Variants in ARHGEF3 observed in about 807,000 individuals in gnomAD.
The protein encoded by ARHGEF3 is 59.8 kDA protein.
ARHGEF3 carries 28 observed loss-of-function variants against 63.2 expected under a neutral mutation model. That is an observed-to-expected ratio of 0.44 (90% CI 0.33 to 0.61). The LOEUF is 0.61. ARHGEF3 is among the 20% of genes least tolerant of loss of function. ARHGEF3 has a pLI of 0.03. For missense variants in ARHGEF3, 533 were observed against 659.3 expected (o/e 0.81, Z 2.10); for synonymous variants, 266 against 254.2 (o/e 1.05, Z -0.44).
At chr3:56,826,218 G>T (rs2038709025) in intron 4 of ARHGEF3, among the ~76,000 whole-genome samples, 2 of 152,198 alleles carry the variant, frequency 1.3e-5, no homozygotes, top group African/African-American at 2.4e-5. Context: ...ATCCAGCCAT[G>T]CCTGAAGGTT....
chr3:56,780,255 G>C (rs1431352686), intron 1 of ARHGEF3, among the ~76,000 whole-genome samples: 1 of 152,156 alleles, frequency 6.6e-6, no homozygotes, highest in East Asian at 1.9e-4. Context: ...GTATGTTTTT[G>C]CTAAAGATTA....
Position 56,737,229 on chromosome 3 carries a change from G to A in ARHGEF3, c.997C>T (p.Arg333Ter). 4 of 1,614,058 alleles carry A rather than the reference G, an allele frequency of 2.5e-6. No individual in the cohort carries two copies. The highest frequency in any genetic ancestry group is 2.5e-6 in the Non-Finnish European group (3 of 1,179,988). Residue 333 changes from arginine (R) to a stop codon, truncating the protein, a stop_gained, in exon 8 of 10, where the codon CGA becomes TGA. Coordinates refer to ENST00000296315, the MANE Select transcript of ARHGEF3 (RefSeq NM_019555.3). LOFTEE classifies it high-confidence loss of function. ...GQKDSLIDSS[R>*]VLCCHGELKN... ...AGTTCACCATGACAACACAAGACTCGAGAGCTGTCGATCAGGGAGTCTTTC... is the reference window on the plus strand; with the variant it reads ...AGTTCACCATGACAACACAAGACTCAAGAGCTGTCGATCAGGGAGTCTTTC...
chr3:57,045,444 G>A (rs545649360), intron 1 of ARHGEF3, among the ~76,000 whole-genome samples: 1 of 152,294 alleles, frequency 6.6e-6, no homozygotes, highest in African/African-American at 2.4e-5. Flanking sequence ...AGCAGGACTG[G>A]GGTCCCCCAT....
intron 1 of ARHGEF3, among the ~76,000 whole-genome samples, chr3:56,793,342 T>C (rs1000915313): frequency 2.0e-5 from 3 of 152,322 alleles, no homozygotes; most frequent in Non-Finnish European, 4.4e-5. Context: ...GCTAATTTTT[T>C]GTATTTTTAG....
intron 8 of ARHGEF3, among the ~76,000 whole-genome samples, chr3:56,734,081 GAT>G (rs1188406817): frequency 5.3e-5 from 8 of 151,484 alleles, no homozygotes; most frequent in Admixed American, 5.3e-4. Context: ...GTTGACGACT[GAT>G]GTGTGTGATG....
intron 2 of ARHGEF3, among the ~76,000 whole-genome samples, chr3:56,995,657 G>C (rs1470726350): frequency 8.2e-6 from 1 of 122,366 alleles, no homozygotes; most frequent in Non-Finnish European, 1.8e-5. Context: ...GAGAGAGAGA[G>C]AGAGAGAGAG....
intron 2 of ARHGEF3, among the ~76,000 whole-genome samples, chr3:56,758,241 A>T (rs2035210904): frequency 1.3e-5 from 2 of 150,996 alleles, no homozygotes; most frequent in Non-Finnish European, 3.0e-5. Flanking sequence ...AGATTGCGCC[A>T]CTGTACTCCA....
Position 56,745,417 on chromosome 3 carries a change from C to T in ARHGEF3, c.658G>A (p.Ala220Thr), listed in dbSNP as rs1391268779. The change falls in exon 7 of 10, where the codon GCC becomes ACC. Residue 220 changes from alanine to threonine, a missense_variant. Ala to Thr is a moderately conservative substitution (Grantham distance 58, BLOSUM62 0). Around this residue, in one of 4 missense-constraint regions of ARHGEF3, gnomAD observed 107 missense variants for 207.9 expected, o/e 0.51. Coordinates refer to ENST00000296315, the MANE Select transcript of ARHGEF3 (RefSeq NM_019555.3). ...TTGTGGTCCAGCAGAGCTTTGGCGG[C>T]TACTTGATTGCTGCAGTAGCTATCA... is the stretch of plus-strand genomic sequence containing the variant. ...SYDSYCSNQV[A>T]AKALLDHKKQ... 2 of 1,613,818 alleles carry T rather than the reference C, an allele frequency of 1.2e-6. No homozygotes were observed. Among genetic ancestry groups the T allele is most frequent in the Admixed American group, 1.7e-5 (1 of 59,974 alleles).
chr3:56,902,954 C>G (rs929032846), intron 3 of ARHGEF3, among the ~76,000 whole-genome samples: 5 of 152,168 alleles, frequency 3.3e-5, no homozygotes, highest in Non-Finnish European at 5.9e-5. Flanking sequence ...AGAACAGTAA[C>G]AGCTGACTGG....
At chr3:56,949,636 C>T (rs1699701411) in intron 3 of ARHGEF3, among the ~76,000 whole-genome samples, 1 of 151,980 alleles carries the variant, frequency 6.6e-6, no homozygotes, top group East Asian at 1.9e-4. Context: ...AAAGAGGACA[C>T]AAACAAATGG....
chr3:56,784,867 A>G (rs1348926879), intron 1 of ARHGEF3, among the ~76,000 whole-genome samples: 1 of 152,160 alleles, frequency 6.6e-6, no homozygotes, highest in Non-Finnish European at 1.5e-5. Flanking sequence ...TAACCTCTAT[A>G]AGCTAGTTTC....
chr3:56,921,224 A>AAAC (rs1437777874), intron 3 of ARHGEF3, among the ~76,000 whole-genome samples: 2 of 143,766 alleles, frequency 1.4e-5, no homozygotes, highest in African/African-American at 5.1e-5. Context: ...AAAAAAGACC[A>AAAC]AAAAAAAAAA....
intron 2 of ARHGEF3, among the ~76,000 whole-genome samples, chr3:56,967,796 CATATTATATAATAT>C (rs1386908788): frequency 6.6e-5 from 4 of 60,246 alleles, no homozygotes; most frequent in Non-Finnish European, 1.1e-4. Context: ...TTATATATTA[CATATTATATAATAT>C]ATATTATATA....
intron 2 of ARHGEF3, among the ~76,000 whole-genome samples, chr3:56,987,365 G>T (rs557711979): frequency 1.3e-5 from 2 of 152,324 alleles, no homozygotes; most frequent in East Asian, 1.9e-4. Flanking sequence ...TGACTTCAGG[G>T]CTCCCCCTCT....
At chr3:56,831,724 C>T (rs4681908) in intron 4 of ARHGEF3, among the ~76,000 whole-genome samples, 13,652 of 152,294 alleles carry the variant, frequency 0.09, 685 homozygotes, top group South Asian at 0.13. Context: ...TCCCAGCACA[C>T]TGGTGTGTAC....
At chr3:56,732,629 C>T (rs1411516688) in intron 8 of ARHGEF3, among the ~76,000 whole-genome samples, 1 of 152,132 alleles carries the variant, frequency 6.6e-6, no homozygotes. Flanking sequence ...TGTAGAAGCA[C>T]CTCCCTAGGG....
At chr3:56,936,536 T>C (rs1029913379) in intron 3 of ARHGEF3, among the ~76,000 whole-genome samples, 3 of 152,200 alleles carry the variant, frequency 2.0e-5, no homozygotes, top group Non-Finnish European at 4.4e-5. Context: ...TGTGTGCCTC[T>C]TAATAAGATG....
chr3:56,861,461 T>A (rs996069550), intron 4 of ARHGEF3, among the ~76,000 whole-genome samples: 1 of 152,136 alleles, frequency 6.6e-6, no homozygotes, highest in Non-Finnish European at 1.5e-5. Context: ...GGTGAAAGCA[T>A]GCAAAAGAAA....
At chr3:57,059,445 C>G (rs1182227714) in intron 1 of ARHGEF3, among the ~76,000 whole-genome samples, 2 of 136,836 alleles carry the variant, frequency 1.5e-5, no homozygotes, top group Non-Finnish European at 3.0e-5. Context: ...ACATGTTAGA[C>G]AAGCTTGGCC....
Sources: gnomAD v4.1 joint callset for allele counts (sites outside exome capture counted in the v4.1 genomes callset) on GRCh38, gnomAD v4.1.1 for gene constraint, gnomAD v4.1.1 regional missense constraint, MANE v1.5 for transcripts, NCBI Gene and HGNC (gene_info 2026-07-23, HGNC 2026-07-21) for gene names.